CACNG2: variants seen among roughly 807,000 people sequenced by gnomAD.
The protein encoded by CACNG2 is calcium voltage-gated channel auxiliary subunit gamma 2.
Under a neutral mutation model 25.9 loss-of-function variants are expected in CACNG2, and 3 were observed. The ratio of observed to expected loss-of-function variants is 0.12; its 90% CI spans 0.05 to 0.30. The LOEUF (loss-of-function observed/expected upper bound fraction) is 0.30, where lower values mean the gene tolerates loss of function less well. Among genes scored for constraint, CACNG2 ranks in the 10% least tolerant of loss-of-function variants. The pLI is 1.00. For synonymous variants in CACNG2, 167 were observed against 173.3 expected, an observed-to-expected ratio of 0.96 and a Z score of 0.29; for missense variants, 341 against 432.5, an observed-to-expected ratio of 0.79 and a Z score of 1.88.
chr22:36,662,757 C>T (rs1295019253), intron 1 of CACNG2, among the ~76,000 whole-genome samples: 3 of 152,134 alleles, frequency 2.0e-5, no homozygotes, highest in African/African-American at 4.8e-5. Context: ...ACCGTGCATG[C>T]CCCTTACAAA....
At chr22:36,596,073 G>C (rs1314434253) in intron 1 of CACNG2, among the ~76,000 whole-genome samples, 2 of 152,240 alleles carry the variant, frequency 1.3e-5, no homozygotes, top group Non-Finnish European at 2.9e-5. Flanking sequence ...AACAGACTCT[G>C]TTTTATTTTC....
chr22:36,596,348 C>T (rs1935678274), intron 1 of CACNG2, among the ~76,000 whole-genome samples: 1 of 152,200 alleles, frequency 6.6e-6, no homozygotes, highest in African/African-American at 2.4e-5. Flanking sequence ...GAACCCCAGC[C>T]CCCTGGGGCA....
At chr22:36,649,257 C>T (rs1219217735) in intron 1 of CACNG2, among the ~76,000 whole-genome samples, 1 of 152,190 alleles carries the variant, frequency 6.6e-6, no homozygotes, top group African/African-American at 2.4e-5. Context: ...CTTGCTAATT[C>T]ACATCCTGTT....
intron 1 of CACNG2, among the ~76,000 whole-genome samples, chr22:36,677,147 A>T (rs1937031247): frequency 6.6e-6 from 1 of 152,124 alleles, no homozygotes; most frequent in African/African-American, 2.4e-5. Context: ...TGAAGGTTTG[A>T]TTTGAATTGC....
intron 1 of CACNG2, among the ~76,000 whole-genome samples, chr22:36,683,683 G>A (rs554424475): frequency 7.9e-5 from 12 of 152,214 alleles, no homozygotes; most frequent in African/African-American, 1.7e-4. Flanking sequence ...AGGCTCTAGG[G>A]TGGAGAAAGA....
At chr22:36,689,922 G>A (rs1937247622) in intron 1 of CACNG2, among the ~76,000 whole-genome samples, 1 of 152,228 alleles carries the variant, frequency 6.6e-6, no homozygotes, top group Non-Finnish European at 1.5e-5. Context: ...AACTCACCCT[G>A]GGGACGTTCT....
chr22:36,651,178 C>T (rs370134026), intron 1 of CACNG2, among the ~76,000 whole-genome samples: 15 of 149,920 alleles, frequency 1.0e-4, no homozygotes, highest in South Asian at 2.1e-4. Context: ...GTTGGTTTAA[C>T]GCTTTGTGTT....
At chr22:36,603,244 C>T (rs1481314230) in intron 1 of CACNG2, among the ~76,000 whole-genome samples, 1 of 152,140 alleles carries the variant, frequency 6.6e-6, no homozygotes, top group Non-Finnish European at 1.5e-5. Flanking sequence ...AGAGTAAGGC[C>T]CTAACTCTCT....
intron 1 of CACNG2, among the ~76,000 whole-genome samples, chr22:36,679,763 A>C (rs1937072917): frequency 6.6e-6 from 1 of 152,104 alleles, no homozygotes; most frequent in Non-Finnish European, 1.5e-5. Flanking sequence ...AGTTTTGGTG[A>C]CACTCACGGT....
chr22:36,666,256 A>C (rs1219334486), intron 1 of CACNG2, among the ~76,000 whole-genome samples: 3 of 152,144 alleles, frequency 2.0e-5, no homozygotes, highest in African/African-American at 7.2e-5. Context: ...AATGGAAAAA[A>C]TTAGCTGGGT....
At chr22:36,631,138 T>A (rs1936263623) in intron 1 of CACNG2, among the ~76,000 whole-genome samples, 2 of 152,106 alleles carry the variant, frequency 1.3e-5, no homozygotes. Flanking sequence ...CCTCTTGAGC[T>A]CTTTAATGGG....
intron 1 of CACNG2, among the ~76,000 whole-genome samples, chr22:36,688,509 C>G (rs1937229202): frequency 1.4e-5 from 2 of 139,126 alleles, no homozygotes; most frequent in African/African-American, 2.8e-5. Flanking sequence ...CACTGCATTA[C>G]AGCCTGGGCG....
Position 36,561,988 on chromosome 22 carries a change from A to C in CACNG2, c.*2363T>G, listed in dbSNP as rs1463105670. On this transcript the variant is annotated 3_prime_UTR_variant, in exon 4 of 4. Transcript: ENST00000300105. The stretch of plus-strand genomic sequence containing the variant: ...CACAGACCCCCAAAGACACTGGGGA[A>C]GCCCTGGTGGCAGAGCTCTTCTCCC... 2.0e-5 allele frequency: 3 copies of C among 152,314 alleles called. No homozygotes were observed. The East Asian group carries it at 5.8e-4, about 29-fold the overall frequency. 9.4% of individuals were successfully genotyped at this position (152,314 alleles called of 1,614,324 possible).
At chr22:36,627,500 C>A (rs567648997) in intron 1 of CACNG2, among the ~76,000 whole-genome samples, 54 of 152,238 alleles carry the variant, frequency 3.5e-4, no homozygotes, top group African/African-American at 1.2e-3. Flanking sequence ...CTTGTCAACC[C>A]ACTAGCTAGA....
chr22:36,617,851 A>G lies in CACNG2; in HGVS notation c.212-30303T>C, dbSNP rs528558442. On this transcript the variant is annotated intron_variant, in intron 1 of 3. Coordinates refer to ENST00000300105, the MANE Select transcript of CACNG2 (RefSeq NM_006078.5). ...GCTCTGGGAAAATTAGGTGAAATAA[A>G]TTGTGTTGAACACCTGCCACATTCT... is the stretch of plus-strand genomic sequence containing the variant. Among the ~76,000 whole-genome samples the G allele has an allele frequency of 4.6e-5, 7 of 151,608 alleles. No homozygotes were observed. In the South Asian group the frequency reaches 1.5e-3, roughly 32 times the overall value.
intron 2 of CACNG2, among the ~76,000 whole-genome samples, chr22:36,573,271 G>A (rs562756526): frequency 6.6e-6 from 1 of 152,164 alleles, no homozygotes; most frequent in South Asian, 2.1e-4. Flanking sequence ...TAATAGTATG[G>A]CCTCTGAAAT....
intron 1 of CACNG2, among the ~76,000 whole-genome samples, chr22:36,643,798 T>G (rs1325724283): frequency 6.6e-6 from 1 of 152,218 alleles, no homozygotes; most frequent in East Asian, 1.9e-4. Flanking sequence ...TGATAAAATG[T>G]GTTTTCTAAC....
chr22:36,634,119 C>T (rs764541128), intron 1 of CACNG2, among the ~76,000 whole-genome samples: 4 of 152,284 alleles, frequency 2.6e-5, no homozygotes, highest in Non-Finnish European at 4.4e-5. Flanking sequence ...TACTTAGCAT[C>T]TCTGGGCTTT....
chr22:36,679,129 A>C (rs1287965536), intron 1 of CACNG2, among the ~76,000 whole-genome samples: 1 of 147,908 alleles, frequency 6.8e-6, no homozygotes, highest in Non-Finnish European at 1.5e-5. Context: ...AGCATTTTGG[A>C]TTTTCTCCCT....
Sources: allele counts gnomAD v4.1 joint callset (sites outside exome capture counted in the v4.1 genomes callset), GRCh38; gene constraint gnomAD v4.1.1; transcripts MANE v1.5; gene names NCBI Gene and HGNC (gene_info 2026-07-23, HGNC 2026-07-21).